The following NR2F1-AS1 variants were observed in gnomAD, a reference collection of about 807,000 sequenced individuals.
NR2F1-AS1 encodes NR2F1 regulatory antisense RNA 1.
At chr5:93,570,883 G>A (rs906660609) in intron 1 of NR2F1-AS1, 3 of 152,214 alleles carry the variant, frequency 2.0e-5, no homozygotes, top group Non-Finnish European at 4.4e-5. Context: ...GCCGCGCTTA[G>A]GGTCGGAGTT....
chr5:93,447,142 G>C (rs200579998), intron 4 of NR2F1-AS1, among the ~76,000 whole-genome samples: 2 of 152,048 alleles, frequency 1.3e-5, no homozygotes, highest in Non-Finnish European at 1.5e-5. Context: ...CATAGGCATG[G>C]GCAAGGACTT....
chr5:93,413,401 C>T (rs975286686), intron 4 of NR2F1-AS1, among the ~76,000 whole-genome samples: 8 of 151,918 alleles, frequency 5.3e-5, no homozygotes, highest in Non-Finnish European at 1.0e-4. Flanking sequence ...TTTTAGTGTA[C>T]TGGGAGAAAA....
intron 4 of NR2F1-AS1, among the ~76,000 whole-genome samples, chr5:93,546,229 CA>C (rs1343134756): frequency 4.6e-5 from 7 of 152,074 alleles, no homozygotes; most frequent in African/African-American, 1.7e-4. Flanking sequence ...GAGCAATAAA[CA>C]GAAAGGCAAT....
At chr5:93,517,960 T>G (rs1437878340) in intron 4 of NR2F1-AS1, among the ~76,000 whole-genome samples, 1 of 152,054 alleles carries the variant, frequency 6.6e-6, no homozygotes. Context: ...CCATTCATTA[T>G]CTGGATTTCT....
At chr5:93,491,165 G>T (rs936241536) in intron 4 of NR2F1-AS1, among the ~76,000 whole-genome samples, 42 of 151,522 alleles carry the variant, frequency 2.8e-4, no homozygotes, top group Admixed American at 2.8e-3. Flanking sequence ...GGTGGTTGTG[G>T]TTATGGTAGT....
In NR2F1-AS1 at chr5:93,547,533, A is replaced by T. The variant is rs966429438; in HGVS notation, n.638+6228T>A. ...AGAATTATTTTACATATTATCTATA[A>T]TATCAACAGCAAGGAGGCCTAGAAT... On this transcript the variant is annotated intron_variant and non_coding_transcript_variant, in intron 4 of 5. Coordinates refer to ENST00000660523, the Ensembl canonical transcript of NR2F1-AS1. 5.9e-5 allele frequency among the ~76,000 whole-genome samples: 9 copies of T among 152,224 alleles called. No individual in the cohort carries two copies. The East Asian group carries it at 1.7e-3, about 29-fold the overall frequency.
intron 4 of NR2F1-AS1, among the ~76,000 whole-genome samples, chr5:93,506,545 G>T (rs533755213): frequency 6.6e-6 from 1 of 152,328 alleles, no homozygotes; most frequent in African/African-American, 2.4e-5. Context: ...CATGACTGGG[G>T]AGGCCTCAGA....
chr5:93,428,075 T>C (rs1749233501), intron 4 of NR2F1-AS1, among the ~76,000 whole-genome samples: 1 of 152,218 alleles, frequency 6.6e-6, no homozygotes, highest in Non-Finnish European at 1.5e-5. Context: ...CAGTATAGAA[T>C]GAGCAATCAA....
chr5:93,474,819 A>T (rs1394234157), intron 4 of NR2F1-AS1, among the ~76,000 whole-genome samples: 1 of 152,190 alleles, frequency 6.6e-6, no homozygotes, highest in Non-Finnish European at 1.5e-5. Context: ...ATAGACATTC[A>T]GTCTATAGCA....
intron 1 of NR2F1-AS1, among the ~76,000 whole-genome samples, chr5:93,578,906 G>T (rs1752956644): frequency 6.6e-6 from 1 of 152,156 alleles, no homozygotes. Flanking sequence ...TTAGGCCCAG[G>T]ACAAGTGTGC....
chr5:93,494,055 T>A (rs74652830), intron 4 of NR2F1-AS1, among the ~76,000 whole-genome samples: 4,490 of 152,088 alleles, frequency 0.03, 211 homozygotes, highest in African/African-American at 0.1. Context: ...GGGAAAAAAA[T>A]TTTGCAATTA....
chr5:93,562,195 A>AAAAAT (rs755007063), intron 2 of NR2F1-AS1, among the ~76,000 whole-genome samples: 1 of 136,664 alleles, frequency 7.3e-6, no homozygotes, highest in Admixed American at 7.3e-5. Context: ...AAAAAAAAAA[A>AAAAAT]AAAAGAAAAG....
chr5:93,531,019 A>AT (rs1208914340), intron 4 of NR2F1-AS1, among the ~76,000 whole-genome samples: 1 of 152,166 alleles, frequency 6.6e-6, no homozygotes, highest in African/African-American at 2.4e-5. Context: ...AAGAGCTGCC[A>AT]TTTTTTTGTT....
intron 4 of NR2F1-AS1, among the ~76,000 whole-genome samples, chr5:93,537,821 A>T (rs6861617): frequency 6.6e-6 from 1 of 152,122 alleles, no homozygotes; most frequent in African/African-American, 2.4e-5. Flanking sequence ...CTCCAATAAC[A>T]TTTCATTCAA....
chr5:93,416,578 G>T (rs2149840486), intron 4 of NR2F1-AS1, among the ~76,000 whole-genome samples: 1 of 152,216 alleles, frequency 6.6e-6, no homozygotes, highest in African/African-American at 2.4e-5. Flanking sequence ...GAAAATCACT[G>T]GGCTTTTTAC....
At chr5:93,562,674 A>G (rs1752519986) in intron 2 of NR2F1-AS1, among the ~76,000 whole-genome samples, 1 of 152,244 alleles carries the variant, frequency 6.6e-6, no homozygotes, top group African/African-American at 2.4e-5. Context: ...GTCCCAATAT[A>G]GTAATATTAA....
intron 4 of NR2F1-AS1, among the ~76,000 whole-genome samples, chr5:93,512,843 G>T (rs1373393891): frequency 6.6e-6 from 1 of 152,128 alleles, no homozygotes; most frequent in Non-Finnish European, 1.5e-5. Flanking sequence ...TATAGCTTAG[G>T]TGTGTAGTAG....
At chr5:93,530,004 C>G (rs1751700622) in intron 4 of NR2F1-AS1, among the ~76,000 whole-genome samples, 1 of 150,854 alleles carries the variant, frequency 6.6e-6, no homozygotes. Flanking sequence ...AAGACAGACT[C>G]AAGCTCAGAT....
chr5:93,565,052 A>T (rs1255344996), intron 1 of NR2F1-AS1, among the ~76,000 whole-genome samples: 1 of 152,144 alleles, frequency 6.6e-6, no homozygotes, highest in Non-Finnish European at 1.5e-5. Flanking sequence ...ACTCCTTCTT[A>T]AGAATAATCA....
Sources: allele counts gnomAD v4.1 joint callset (sites outside exome capture counted in the v4.1 genomes callset), GRCh38; gene constraint gnomAD v4.1.1; transcripts MANE v1.5; gene names NCBI Gene and HGNC (gene_info 2026-07-23, HGNC 2026-07-21).